Variants in DHRSX observed in about 807,000 individuals in gnomAD.
DHRSX encodes the protein dehydrogenase/reductase X-linked.
A neutral mutation model predicts 34.0 loss-of-function variants in DHRSX; 31 were observed. The observed-to-expected ratio is 0.91, with a 90% CI of 0.69 to 1.23. The LOEUF is 1.23. Among genes scored for constraint, DHRSX ranks in the 50% most tolerant of loss-of-function variants. The probability of loss-of-function intolerance (pLI) is 0.00; values close to 1 mark genes in which losing one functional copy is unlikely to be tolerated. For synonymous variants in DHRSX, 201 were observed against 183.8 expected (o/e 1.09, Z -0.76); for missense variants, 414 against 428.1 (o/e 0.97, Z 0.29).
chrX:2,441,195 A>C (rs1459225050), intron 1 of DHRSX, among the ~76,000 whole-genome samples: 1 of 152,170 alleles, frequency 6.6e-6, no homozygotes, highest in Non-Finnish European at 1.5e-5. Flanking sequence ...AAAGACATCC[A>C]AGGAGCAGAA....
chrX:2,440,149 G>A (rs1218318976), intron 1 of DHRSX, among the ~76,000 whole-genome samples: 2 of 152,066 alleles, frequency 1.3e-5, no homozygotes, highest in Admixed American at 6.6e-5. Context: ...GTTTGCCAAC[G>A]GCTGTACCCA....
intron 1 of DHRSX, among the ~76,000 whole-genome samples, chrX:2,470,950 T>C (rs2044582954): frequency 6.6e-6 from 1 of 152,254 alleles, no homozygotes; most frequent in Non-Finnish European, 1.5e-5. Flanking sequence ...TCAATGTTAA[T>C]ATGTTAATTA....
At chrX:2,300,529 C>T (rs1279590011) in intron 3 of DHRSX, among the ~76,000 whole-genome samples, 1 of 152,078 alleles carries the variant, frequency 6.6e-6, no homozygotes, top group Admixed American at 6.6e-5. Flanking sequence ...GGGGTGGGCA[C>T]CATCTAATCA....
At chrX:2,352,735 C>T (rs2042803134) in intron 3 of DHRSX, among the ~76,000 whole-genome samples, 2 of 152,116 alleles carry the variant, frequency 1.3e-5, no homozygotes, top group South Asian at 4.1e-4. Flanking sequence ...ACGGTGATAG[C>T]TACAAGCACA....
intron 1 of DHRSX, among the ~76,000 whole-genome samples, chrX:2,484,916 G>A (rs773386102): frequency 1.3e-5 from 2 of 151,830 alleles, no homozygotes; most frequent in Admixed American, 1.3e-4. Context: ...CCCAGAAACA[G>A]CCCAACCGGC....
chrX:2,265,884 CGG>C (rs2041456101), intron 5 of DHRSX, among the ~76,000 whole-genome samples: 5 of 141,144 alleles, frequency 3.5e-5, no homozygotes, highest in Admixed American at 3.5e-4. Context: ...CAATGCTCGG[CGG>C]ACACAGGGAG....
intron 3 of DHRSX, among the ~76,000 whole-genome samples, chrX:2,347,230 C>A: frequency 6.6e-6 from 1 of 152,292 alleles, no homozygotes; most frequent in South Asian, 2.1e-4. Context: ...AAAGGCACGT[C>A]TCACATTGTG....
intron 3 of DHRSX, among the ~76,000 whole-genome samples, chrX:2,383,684 G>A (rs1436468155): frequency 6.6e-6 from 1 of 152,190 alleles, no homozygotes. Context: ...TGGGGCTGGG[G>A]AAATCAGTGA....
intron 3 of DHRSX, among the ~76,000 whole-genome samples, chrX:2,356,707 G>T (rs1187223362): frequency 1.3e-5 from 2 of 152,160 alleles, no homozygotes; most frequent in Non-Finnish European, 2.9e-5. Context: ...TCCTCCATGT[G>T]AAGATGATGA....
chrX:2,388,950 G>A (rs1418154869), intron 3 of DHRSX, among the ~76,000 whole-genome samples: 2 of 152,230 alleles, frequency 1.3e-5, no homozygotes, highest in Non-Finnish European at 2.9e-5. Context: ...ACAGGGAGAA[G>A]ACGGCGTCTA....
At chrX:2,361,461 G>A (rs1039515123) in intron 3 of DHRSX, among the ~76,000 whole-genome samples, 1 of 152,102 alleles carries the variant, frequency 6.6e-6, no homozygotes, top group Non-Finnish European at 1.5e-5. Flanking sequence ...ATAACTTATG[G>A]TAGGTACAAA....
chrX:2,407,048 AAT>A (rs1267718352), intron 3 of DHRSX, among the ~76,000 whole-genome samples: 2 of 152,162 alleles, frequency 1.3e-5, no homozygotes, highest in African/African-American at 4.8e-5. Context: ...GCATAAAGAA[AAT>A]ATATATCTAT....
At chrX:2,381,151 C>G (rs751178389) in intron 3 of DHRSX, among the ~76,000 whole-genome samples, 2 of 152,268 alleles carry the variant, frequency 1.3e-5, no homozygotes, top group South Asian at 4.1e-4. Context: ...CAGGCGTGAG[C>G]CACCACACCC....
At chrX:2,235,519 C>T (rs187150435) in intron 6 of DHRSX, among the ~76,000 whole-genome samples, 230 of 151,548 alleles carry the variant, frequency 1.5e-3, no homozygotes, top group African/African-American at 5.4e-3. Flanking sequence ...CCGAGGCCGG[C>T]GGATCACAAG....
intron 2 of DHRSX, among the ~76,000 whole-genome samples, chrX:2,423,907 T>C (rs1327204236): frequency 6.6e-6 from 1 of 152,004 alleles, no homozygotes; most frequent in Non-Finnish European, 1.5e-5. Flanking sequence ...AAACCGTGAG[T>C]GTCTATAGGT....
chrX:2,416,248 A>G (rs1376847574), intron 2 of DHRSX, among the ~76,000 whole-genome samples: 4 of 151,954 alleles, frequency 2.6e-5, no homozygotes, highest in African/African-American at 4.8e-5. Flanking sequence ...ACCTTACCCA[A>G]CTGGATCTCA....
At chrX:2,267,730 G>A (rs1001274764) in intron 4 of DHRSX, among the ~76,000 whole-genome samples, 6 of 152,002 alleles carry the variant, frequency 3.9e-5, no homozygotes, top group Non-Finnish European at 8.8e-5. Flanking sequence ...CAGACTGCTT[G>A]ACGTCAGGAG....
intron 3 of DHRSX, among the ~76,000 whole-genome samples, chrX:2,345,545 G>A (rs1402527802): frequency 2.6e-5 from 4 of 151,358 alleles, no homozygotes; most frequent in Admixed American, 2.6e-4. Context: ...TACTCGGGAG[G>A]ATGAGGCAGA....
Position 2,357,659 on chromosome X carries a change from G to T in DHRSX, c.286+51086C>A, listed in dbSNP as rs890354643. ...ACAAATAACCCTAGACCCGATATGG[G>T]AAAACGAGATTTGTCTCAAACACTT... On this transcript the variant is annotated intron_variant, in intron 3 of 6. Transcript: ENST00000334651. 3.4e-5 allele frequency among the ~76,000 whole-genome samples: 5 copies of T among 147,990 alleles called. No homozygotes were observed. In the Admixed American group the frequency reaches 3.4e-4, roughly 10 times the overall value.
Sources: gnomAD v4.1 joint callset for allele counts (sites outside exome capture counted in the v4.1 genomes callset) on GRCh38, gnomAD v4.1.1 for gene constraint, MANE v1.5 for transcripts, NCBI Gene and HGNC (gene_info 2026-07-23, HGNC 2026-07-21) for gene names.